TENM2: variants seen among roughly 807,000 people sequenced by gnomAD.
TENM2 encodes teneurin-2.
A neutral mutation model predicts 245.2 loss-of-function variants in TENM2; 52 were observed. The observed-to-expected ratio is 0.21, with a 90% CI of 0.17 to 0.27. The LOEUF is 0.27. Ranked by LOEUF, TENM2 falls within the 10% of genes least tolerant of loss-of-function variation. TENM2 has a pLI of 1.00. For synonymous variants in TENM2, 1,363 were observed against 1,438.9 expected, an observed-to-expected ratio of 0.95 and a Z score of 1.19; for missense variants, 3,046 against 3,666.8, an observed-to-expected ratio of 0.83 and a Z score of 4.37.
chr5:168,053,058 A>T (rs1315757301), intron 6 of TENM2, among the ~76,000 whole-genome samples: 1 of 152,096 alleles, frequency 6.6e-6, no homozygotes, highest in African/African-American at 2.4e-5. Flanking sequence ...TAAAATGATC[A>T]CTTCCCTATA....
chr5:167,288,626 C>A (rs1754452422), intron 1 of TENM2, among the ~76,000 whole-genome samples: 1 of 151,878 alleles, frequency 6.6e-6, no homozygotes, highest in Non-Finnish European at 1.5e-5. Flanking sequence ...GTGTCAGGAG[C>A]CAATCTAAGC....
intron 5 of TENM2, among the ~76,000 whole-genome samples, chr5:167,993,846 G>A (rs1445442573): frequency 6.6e-6 from 1 of 152,224 alleles, no homozygotes; most frequent in Non-Finnish European, 1.5e-5. Context: ...TGGGCTTCTG[G>A]TGACTCAGTG....
chr5:168,199,140 A>T (rs1477067582), intron 16 of TENM2, 26 bp downstream of exon 18: 4 of 1,595,802 alleles, frequency 2.5e-6, no homozygotes, highest in Non-Finnish European at 3.4e-6. Flanking sequence ...CCAGGGCGGG[A>T]CTCTCAGGAC....
rs1421417870 is a variant in TENM2, at chr5:167,339,301, C to A, written c.227-35897C>A. On this transcript the variant is annotated intron_variant, in intron 1 of 28. Coordinates refer to ENST00000518659, the Ensembl canonical transcript of TENM2. ...AGTCGTAGACTAAAACTTCCCATTC[C>A]AAAAGGAAGAAATGATAAAGAAGGA... 2.6e-5 allele frequency among the ~76,000 whole-genome samples: 4 copies of A among 152,108 alleles called. 1 individual carries two copies. In the South Asian group the frequency reaches 8.3e-4, roughly 32 times the overall value.
the TENM2 span, among the ~76,000 whole-genome samples, chr5:167,245,203 G>T: frequency 6.6e-6 from 1 of 152,148 alleles, no homozygotes; most frequent in African/African-American, 2.4e-5. Flanking sequence ...AATGTCAAGA[G>T]AGTAGGTAAC....
intron 2 of TENM2, among the ~76,000 whole-genome samples, chr5:167,757,071 A>G (rs1762356157): frequency 6.7e-6 from 1 of 148,508 alleles, no homozygotes; most frequent in South Asian, 2.1e-4. Flanking sequence ...TTTATATTAT[A>G]TTTTTTATTT....
the TENM2 span, among the ~76,000 whole-genome samples, chr5:167,184,054 A>T: frequency 1.3e-5 from 2 of 152,160 alleles, no homozygotes. Flanking sequence ...ATTTTTGGCC[A>T]CTCAACCTAT....
At chr5:167,772,384 T>C (rs1763456077) in intron 2 of TENM2, among the ~76,000 whole-genome samples, 2 of 152,184 alleles carry the variant, frequency 1.3e-5, no homozygotes, top group South Asian at 4.1e-4. Context: ...GTGAGCTTTT[T>C]TCTCTGACCA....
chr5:167,458,403 C>T (rs1766052701), intron 2 of TENM2, among the ~76,000 whole-genome samples: 1 of 142,796 alleles, frequency 7.0e-6, no homozygotes, highest in South Asian at 2.2e-4. Context: ...AAGAGAATCC[C>T]TTGAACCCGG....
intron 2 of TENM2, among the ~76,000 whole-genome samples, chr5:167,432,551 T>C (rs184341173): frequency 1.1e-4 from 17 of 151,900 alleles, no homozygotes; most frequent in Admixed American, 9.2e-4. Flanking sequence ...CAGTGGAAAA[T>C]TGTATTCACA....
intron 12 of TENM2, among the ~76,000 whole-genome samples, chr5:168,137,876 A>G (rs1181292838): frequency 6.6e-6 from 1 of 152,182 alleles, no homozygotes; most frequent in Non-Finnish European, 1.5e-5. Context: ...GTATCTATTC[A>G]CTTACAGACC....
chr5:167,703,215 A>C (rs1046354275), intron 2 of TENM2, among the ~76,000 whole-genome samples: 1 of 152,148 alleles, frequency 6.6e-6, no homozygotes, highest in Non-Finnish European at 1.5e-5. Context: ...TGACACCTAT[A>C]GTAAGTGGTA....
chr5:167,429,605 CTCTTTTTTT>C (rs1483024077), intron 2 of TENM2, among the ~76,000 whole-genome samples: 12 of 132,252 alleles, frequency 9.1e-5, no homozygotes, highest in Admixed American at 3.3e-4. Flanking sequence ...CTCTCTCTCT[CTCTTTTTTT>C]TTTTTTTTTT....
intron 3 of TENM2, among the ~76,000 whole-genome samples, chr5:167,906,929 G>A (rs919083526): frequency 3.3e-5 from 5 of 152,114 alleles, no homozygotes; most frequent in East Asian, 1.9e-4. Flanking sequence ...TGCAGCAGAC[G>A]ACATCTAAAA....
At chr5:167,436,942 G>A (rs1764594857) in intron 2 of TENM2, among the ~76,000 whole-genome samples, 1 of 152,200 alleles carries the variant, frequency 6.6e-6, no homozygotes, top group Admixed American at 6.5e-5. Context: ...AAAGTTTGCT[G>A]CAGGGGCGAG....
intron 2 of TENM2, among the ~76,000 whole-genome samples, chr5:167,786,385 C>T (rs1413837690): frequency 6.6e-6 from 1 of 152,218 alleles, no homozygotes; most frequent in Non-Finnish European, 1.5e-5. Flanking sequence ...TTTTCTCTCT[C>T]GGCCTTGTTC....
At chr5:167,677,729 TTA>T (rs1426231711) in intron 2 of TENM2, among the ~76,000 whole-genome samples, 1 of 148,816 alleles carries the variant, frequency 6.7e-6, no homozygotes, top group African/African-American at 2.4e-5. Context: ...AATTATATGT[TTA>T]TATACTTATT....
intron 19 of TENM2, among the ~76,000 whole-genome samples, chr5:168,208,619 G>A (rs1472336686): frequency 6.6e-6 from 1 of 152,222 alleles, no homozygotes; most frequent in African/African-American, 2.4e-5. Context: ...GAACGGAAAT[G>A]CTTTTCCTAT....
Position 167,523,684 on chromosome 5 carries a change from C to T in TENM2, c.502+148211C>T, listed in dbSNP as rs184511588. Among the ~76,000 whole-genome samples, 132 of 152,236 alleles carry T rather than the reference C, an allele frequency of 8.7e-4. No homozygotes were observed. The South Asian group carries it at 0.018, about 21-fold the overall frequency. On this transcript the variant is annotated intron_variant, in intron 2 of 28. Transcript: ENST00000518659. Reference sequence around the variant, plus strand: ...GAATAAAATTACCTTTGAGAGAGCACTTTGTAACCATATTCATTAACTCCA... The same window carrying T: ...GAATAAAATTACCTTTGAGAGAGCATTTTGTAACCATATTCATTAACTCCA...
Sources: gnomAD v4.1 joint callset for allele counts (sites outside exome capture counted in the v4.1 genomes callset) on GRCh38, gnomAD v4.1.1 for gene constraint, MANE v1.5 for transcripts, NCBI Gene and HGNC (gene_info 2026-07-23, HGNC 2026-07-21) for gene names.